Variants in KCTD1 observed in about 807,000 individuals in gnomAD.
The protein encoded by KCTD1 is potassium channel tetramerization domain containing 1, also known as BTB/POZ domain-containing protein KCTD1.
Under a neutral mutation model 66.0 loss-of-function variants are expected in KCTD1, and 24 were observed. The observed-to-expected ratio is 0.36, with a 90% CI of 0.26 to 0.51. The LOEUF is 0.51. KCTD1 is among the 20% of genes least tolerant of loss of function. The pLI is 0.95. For synonymous variants in KCTD1, 511 were observed against 517.2 expected (o/e 0.99, Z 0.16); for missense variants, 943 against 1,205.2 (o/e 0.78, Z 3.22).
intron 1 of KCTD1, among the ~76,000 whole-genome samples, chr18:26,646,720 A>G (rs1196596527): frequency 1.3e-5 from 2 of 152,216 alleles, no homozygotes; most frequent in Non-Finnish European, 2.9e-5. Context: ...TAAGAGGGAA[A>G]AAGAAAGAAG....
At chr18:26,529,701 A>T (rs112861223) in intron 1 of KCTD1, among the ~76,000 whole-genome samples, 216 of 152,322 alleles carry the variant, frequency 1.4e-3, no homozygotes, top group African/African-American at 4.9e-3. Context: ...ATAAAATGTA[A>T]CCCAAGGAGG....
intron 1 of KCTD1, among the ~76,000 whole-genome samples, chr18:26,509,392 A>AT (rs890330142): frequency 4.0e-5 from 6 of 151,738 alleles, no homozygotes; most frequent in African/African-American, 1.5e-4. Flanking sequence ...ATATAATAAA[A>AT]TTTTTTTTAA....
chr18:26,526,231 T>C (rs1354509509), intron 1 of KCTD1, among the ~76,000 whole-genome samples: 3 of 152,088 alleles, frequency 2.0e-5, no homozygotes, highest in African/African-American at 7.2e-5. Flanking sequence ...GGTGTGTTGG[T>C]TATGCATTTC....
intron 4 of KCTD1, chr18:26,458,988 CAA>C (rs1350129006): frequency 6.6e-6 from 1 of 152,252 alleles, no homozygotes; most frequent in Non-Finnish European, 1.5e-5. Context: ...GAACCAAAAC[CAA>C]AAGATGCCAA....
intron 1 of KCTD1, among the ~76,000 whole-genome samples, chr18:26,555,023 C>A (rs1985672942): frequency 6.6e-6 from 1 of 152,036 alleles, no homozygotes; most frequent in African/African-American, 2.4e-5. Context: ...GGACATTAGT[C>A]CTGCTATTAA....
intron 1 of KCTD1, among the ~76,000 whole-genome samples, chr18:26,637,927 A>G (rs1444808536): frequency 1.3e-5 from 2 of 152,218 alleles, no homozygotes; most frequent in Non-Finnish European, 1.5e-5. Context: ...CTTTGTGGCT[A>G]TTGTTATCAT....
chr18:26,472,185 A>G (rs1012005510), intron 3 of KCTD1, among the ~76,000 whole-genome samples: 1 of 152,056 alleles, frequency 6.6e-6, no homozygotes, highest in African/African-American at 2.4e-5. Flanking sequence ...AAGTTTAAAG[A>G]GCGAATGAAC....
At chr18:26,597,808 C>T (rs1434387421) in intron 1 of KCTD1, among the ~76,000 whole-genome samples, 1 of 152,108 alleles carries the variant, frequency 6.6e-6, no homozygotes, top group Non-Finnish European at 1.5e-5. Context: ...GGTCCGCTGC[C>T]ACATCCAACT....
intron 2 of KCTD1, among the ~76,000 whole-genome samples, chr18:26,480,373 TTAAC>T (rs532430905): frequency 2.0e-5 from 3 of 152,200 alleles, no homozygotes; most frequent in East Asian, 1.9e-4. Context: ...ACATATTTCA[TTAAC>T]TAATAAGATT....
rs75462137 is a variant in KCTD1, at chr18:26,525,869, G to A, written c.1809+20859C>T. On this transcript the variant is annotated intron_variant, in intron 1 of 4. Transcript: ENST00000580059. ...CTCAAAGTGATAGGATCACAGACAT[G>A]AGCCACTGTGCTCAGCATATTTTCT... 9.7e-3 allele frequency among the ~76,000 whole-genome samples: 1,471 copies of A among 152,148 alleles called. 27 individuals are homozygous for A. Among genetic ancestry groups the A allele is most frequent in the African/African-American group, 0.034 (1,403 of 41,494 alleles).
Position 26,602,001 on chromosome 18 carries a change from A to T in KCTD1, c.-16+27146T>A, listed in dbSNP as rs112070810. 8.0e-4 allele frequency among the ~76,000 whole-genome samples: 121 copies of T among 152,138 alleles called. 1 individual carries two copies. Among genetic ancestry groups the T allele is most frequent in the African/African-American group, 2.7e-3 (113 of 41,504 alleles). ...TTCAATTTCTTGCCTAATTGCCCTT[A>T]CCAGAACCTCCAGGTACACTTCCAT... is the stretch of plus-strand genomic sequence containing the variant. On this transcript the variant is annotated intron_variant, in intron 1 of 4. Transcript: ENST00000317932.
At chr18:26,626,166 CA>C (rs11426681) in intron 1 of KCTD1, among the ~76,000 whole-genome samples, 12,320 of 138,632 alleles carry the variant, frequency 0.089, 1,321 homozygotes, top group African/African-American at 0.26. Flanking sequence ...AAAAAAAAAA[CA>C]AAAAAAAAAA....
At chr18:26,511,232 C>T (rs1472135151) in intron 1 of KCTD1, among the ~76,000 whole-genome samples, 1 of 152,132 alleles carries the variant, frequency 6.6e-6, no homozygotes, top group African/African-American at 2.4e-5. Flanking sequence ...CCTTAATTTT[C>T]TTGCCAGGGA....
At chr18:26,521,639 T>C (rs1426642994) in intron 1 of KCTD1, among the ~76,000 whole-genome samples, 1 of 152,224 alleles carries the variant, frequency 6.6e-6, no homozygotes, top group Non-Finnish European at 1.5e-5. Context: ...TTATAGTTAT[T>C]AAACTTCTAT....
chr18:26,455,972 T>C, intron 4 of KCTD1, 71 bp from the exon 5 acceptor site: 6 of 1,465,274 alleles, frequency 4.1e-6, no homozygotes, highest in Non-Finnish European at 5.6e-6. Flanking sequence ...CACCCCAAAG[T>C]TTGAGATTAT....
At chr18:26,536,205 G>T (rs1984702705) in intron 1 of KCTD1, among the ~76,000 whole-genome samples, 1 of 152,168 alleles carries the variant, frequency 6.6e-6, no homozygotes, top group African/African-American at 2.4e-5. Flanking sequence ...TACATTTAGT[G>T]AGTGTGAGTT....
At chr18:26,595,362 A>G (rs1986742455) in intron 1 of KCTD1, among the ~76,000 whole-genome samples, 3 of 152,216 alleles carry the variant, frequency 2.0e-5, no homozygotes, top group South Asian at 4.1e-4. Flanking sequence ...ATTCTTCAGT[A>G]GAAACAGAAT....
chr18:26,545,132 C>G (rs1250896925), intron 1 of KCTD1: 1 of 152,222 alleles, frequency 6.6e-6, no homozygotes, highest in Non-Finnish European at 1.5e-5. Flanking sequence ...AACCAGCAGA[C>G]AGATGCCAGT....
chr18:26,609,991 A>G (rs1416054687), intron 1 of KCTD1, among the ~76,000 whole-genome samples: 2 of 138,858 alleles, frequency 1.4e-5, no homozygotes, highest in Non-Finnish European at 3.1e-5. Context: ...TAACTGAAAT[A>G]CTGAACATTT....
Sources: gnomAD v4.1 joint callset for allele counts (sites outside exome capture counted in the v4.1 genomes callset) on GRCh38, gnomAD v4.1.1 for gene constraint, MANE v1.5 for transcripts, NCBI Gene and HGNC (gene_info 2026-07-23, HGNC 2026-07-21) for gene names.